RAB9B: variants seen among roughly 807,000 people sequenced by gnomAD.
The protein encoded by RAB9B is ras-related protein Rab-9B.
A neutral mutation model predicts 8.9 loss-of-function variants in RAB9B; 1 was observed. The ratio of observed to expected loss-of-function variants is 0.11; its 90% CI spans 0.04 to 0.53. The LOEUF is 0.53. Ranked by LOEUF, RAB9B falls within the 20% of genes least tolerant of loss-of-function variation. The probability of loss-of-function intolerance (pLI) is 0.93; values close to 1 mark genes in which losing one functional copy is unlikely to be tolerated. For synonymous variants in RAB9B, 63 were observed against 57.0 expected (o/e 1.10, Z -0.47); for missense variants, 82 against 152.9 (o/e 0.54, Z 2.45).
the RAB9B span, among the ~76,000 whole-genome samples, chrX:103,806,878 A>T: frequency 9.0e-6 from 1 of 111,628 alleles, no homozygotes; most frequent in South Asian, 3.8e-4. Flanking sequence ...ATTTAACCAG[A>T]TCTCTTCATG....
the RAB9B span, among the ~76,000 whole-genome samples, chrX:103,793,891 C>A: frequency 8.9e-6 from 1 of 112,389 alleles, no homozygotes; most frequent in African/African-American, 3.2e-5. Flanking sequence ...CTTACAGCAC[C>A]AGTTGTATTG....
the RAB9B span, among the ~76,000 whole-genome samples, chrX:103,805,187 G>T: frequency 8.9e-6 from 1 of 111,741 alleles, no homozygotes; most frequent in East Asian, 2.8e-4. Flanking sequence ...TGTATTCCTA[G>T]TCTGTTGAGT....
Position 103,825,089 on chromosome X carries a change from G to T in RAB9B, c.*90C>A, listed in dbSNP as rs1176642829. 3 of 933,154 alleles carry T rather than the reference G, an allele frequency of 3.2e-6. No homozygotes were observed. The highest frequency in any genetic ancestry group is 1.5e-6 in the Non-Finnish European group (1 of 677,636). The allele number at this position is 933,154 out of a possible 1,213,427, so 76.9% of individuals were successfully genotyped here. On this transcript the variant is annotated 3_prime_UTR_variant, in exon 3 of 3. Transcript: ENST00000243298. ...AGAACCTTGTCTCTTACCCTCTTGT[G>T]TGCGTGTGTGTGCACTCTTAGAGGG... is the stretch of plus-strand genomic sequence containing the variant.
the RAB9B span, among the ~76,000 whole-genome samples, chrX:103,790,272 GGT>G: frequency 8.9e-6 from 1 of 112,446 alleles, no homozygotes; most frequent in African/African-American, 3.2e-5. Context: ...ATCAAACAGA[GGT>G]GTGGAATAAA....
chrX:103,812,862 C>G, the RAB9B span, among the ~76,000 whole-genome samples: 6 of 109,735 alleles, frequency 5.5e-5, no homozygotes, highest in Non-Finnish European at 1.1e-4. Context: ...CTCCAAACTA[C>G]AGTGTTAAAA....
the RAB9B span, among the ~76,000 whole-genome samples, chrX:103,777,583 T>C: frequency 8.9e-6 from 1 of 111,863 alleles, no homozygotes; most frequent in Non-Finnish European, 1.9e-5. Flanking sequence ...TGTGTGTGTA[T>C]GTGCATATGT....
the RAB9B span, among the ~76,000 whole-genome samples, chrX:103,811,801 C>A: frequency 9.0e-6 from 1 of 110,721 alleles, no homozygotes; most frequent in Non-Finnish European, 1.9e-5. Context: ...ATACCATAGA[C>A]GGGATGGCTT....
the RAB9B span, among the ~76,000 whole-genome samples, chrX:103,815,900 A>G: frequency 1.8e-5 from 2 of 111,651 alleles, no homozygotes; most frequent in Non-Finnish European, 3.8e-5. Context: ...CCCTTCAAGA[A>G]CTACAAACCA....
intron 1 of RAB9B, among the ~76,000 whole-genome samples, chrX:103,827,512 T>G (rs1034560288): frequency 2.7e-5 from 3 of 111,782 alleles, no homozygotes; most frequent in Non-Finnish European, 5.6e-5. Context: ...AAGTTGTTAG[T>G]GCACTCACCA....
At chrX:103,831,537 T>G (rs1163463489) in intron 1 of RAB9B, among the ~76,000 whole-genome samples, 1 of 99,323 alleles carries the variant, frequency 1.0e-5, no homozygotes, top group African/African-American at 3.7e-5. Flanking sequence ...TCTGGCATCG[T>G]CCCCAGGACA....
intron 1 of RAB9B, among the ~76,000 whole-genome samples, chrX:103,830,564 C>A (rs771431035): frequency 9.0e-5 from 10 of 111,554 alleles, no homozygotes; most frequent in Non-Finnish European, 1.3e-4. Context: ...CTTTCCTACC[C>A]CCACAAACTC....
the RAB9B span, among the ~76,000 whole-genome samples, chrX:103,784,113 A>G: frequency 8.9e-6 from 1 of 111,872 alleles, no homozygotes; most frequent in African/African-American, 3.2e-5. Flanking sequence ...TCCATATGAC[A>G]TCTTAGAGCA....
At chrX:103,788,318 T>C in the RAB9B span, 1 of 607,103 alleles carries the variant, frequency 1.6e-6, no homozygotes, top group Non-Finnish European at 2.9e-6. Flanking sequence ...TGATTGTTGG[T>C]AGAATCCAAC....
chrX:103,818,658 T>C (rs1030583705), downstream of RAB9B, among the ~76,000 whole-genome samples: 1 of 111,556 alleles, frequency 9.0e-6, no homozygotes, highest in South Asian at 3.7e-4. Flanking sequence ...GAAGAATATA[T>C]GTCTTAGAGA....
At chrX:103,831,339 T>C (rs1381375134) in intron 1 of RAB9B, among the ~76,000 whole-genome samples, 2 of 107,251 alleles carry the variant, frequency 1.9e-5, no homozygotes, top group Non-Finnish European at 3.9e-5. Flanking sequence ...TAACAAGTTA[T>C]CAGCTACATC....
At chrX:103,819,665 G>C (rs1451069792), downstream of RAB9B, among the ~76,000 whole-genome samples, 1 of 111,872 alleles carries the variant, frequency 8.9e-6, no homozygotes, top group Non-Finnish European at 1.9e-5. Context: ...AAGCATATCA[G>C]TAAGAAGGCA....
downstream of RAB9B, among the ~76,000 whole-genome samples, chrX:103,820,961 CACACACACACACACACACACAT>C (rs1364230098): frequency 0.028 from 1,188 of 42,880 alleles, 53 homozygotes; most frequent in East Asian, 0.16. Context: ...AACACACACA[CACACACACACACACACACACAT>C]ACACACACAC....
chrX:103,806,460 C>G, the RAB9B span, among the ~76,000 whole-genome samples: 2 of 111,412 alleles, frequency 1.8e-5, no homozygotes, highest in Non-Finnish European at 3.8e-5. Context: ...AGAGAATATT[C>G]TTTAGATAAT....
chrX:103,812,034 C>G, the RAB9B span, among the ~76,000 whole-genome samples: 1,277 of 109,263 alleles, frequency 0.012, 25 homozygotes, highest in African/African-American at 0.041. Context: ...CTCTCTGTCA[C>G]CCAGGCTGGA....
Sources: allele counts gnomAD v4.1 joint callset (sites outside exome capture counted in the v4.1 genomes callset), GRCh38; gene constraint gnomAD v4.1.1; transcripts MANE v1.5; gene names NCBI Gene and HGNC (gene_info 2026-07-23, HGNC 2026-07-21).